Variants in MCPH1 observed in about 807,000 individuals in gnomAD.
MCPH1 encodes the protein microcephalin 1, also known as microcephalin.
MCPH1 carries 104 observed loss-of-function variants against 84.5 expected under a neutral mutation model. The observed-to-expected ratio is 1.23, with a 90% CI of 1.05 to 1.45. The LOEUF (loss-of-function observed/expected upper bound fraction) is 1.45, where lower values mean the gene tolerates loss of function less well. MCPH1 is among the 40% of genes most tolerant of loss of function. MCPH1 has a pLI of 0.00. For missense variants in MCPH1, 1,498 were observed against 1,005.7 expected, an observed-to-expected ratio of 1.49 and a Z score of -6.62; for synonymous variants, 514 against 366.8, an observed-to-expected ratio of 1.40 and a Z score of -4.58.
chr8:6,419,138 C>CACACACACACAG (rs1563179100), intron 3 of MCPH1, among the ~76,000 whole-genome samples: 15 of 118,718 alleles, frequency 1.3e-4, no homozygotes, highest in African/African-American at 4.1e-4. Context: ...TACACACACA[C>CACACACACACAG]ACACACACAC....
rs181939196 is a variant in MCPH1 at position 6,432,568 on chromosome 8, T to A, written c.321+982T>A. 1.5e-3 allele frequency among the ~76,000 whole-genome samples: 226 copies of A among 152,370 alleles called. 1 individual carries two copies. The highest frequency in any genetic ancestry group is 1.2e-3 in the Non-Finnish European group (81 of 68,040). On this transcript the variant is annotated intron_variant, in intron 4 of 13. Coordinates refer to ENST00000344683, the MANE Select transcript of MCPH1 (RefSeq NM_024596.5). Reference sequence around the variant, plus strand: ...ATTTCTTTATCTGAGGGTACTTTACTCTGAAACATCACAGCCAGCTTGTTT... The same window carrying A: ...ATTTCTTTATCTGAGGGTACTTTACACTGAAACATCACAGCCAGCTTGTTT...
chr8:6,470,046 C>T (rs58961878), intron 9 of MCPH1, among the ~76,000 whole-genome samples: 5,241 of 152,096 alleles, frequency 0.034, 281 homozygotes, highest in African/African-American at 0.12. Context: ...TTTTTCTCAT[C>T]GAATAACAAT....
Position 6,480,786 on chromosome 8 carries a change from C to T in MCPH1, c.2046C>T (p.Thr682=), listed in dbSNP as rs764974933. 1.2e-6 allele frequency: 2 copies of T among 1,614,022 alleles called. No homozygotes were observed. The highest frequency in any genetic ancestry group is 2.7e-5 in the African/African-American group (2 of 74,910). ...GFSIAPDVCE[T]TTHVLSGKPL... is the part of the protein sequence containing the mutation. ...CAATTGCACCAGACGTCTGTGAGAC[C>T]ACGACTCACGTGCTTTCCGGGAAGC... is the stretch of plus-strand genomic sequence containing the variant. The change falls in exon 11 of 14, where the codon ACC becomes ACT. Residue 682 remains threonine, a synonymous_variant. Transcript: ENST00000344683.
intron 12 of MCPH1, among the ~76,000 whole-genome samples, chr8:6,516,462 A>T (rs1309455767): frequency 2.0e-5 from 3 of 152,180 alleles, no homozygotes; most frequent in Non-Finnish European, 4.4e-5. Flanking sequence ...CACTGACATC[A>T]TGCTGCCAAA....
Position 6,499,905 on chromosome 8 carries a change from G to C in MCPH1, c.2190G>C (p.Leu730=), listed in dbSNP as rs773212360. ...GGATTTCTGAGGAGCCGTTCGAACT[G>C]TCTCACCACTTCCCTGCAGCTCCCG... ...GHWISEEPFE[L]SHHFPAAPLC... The change falls in exon 12 of 14, where the codon CTG becomes CTC. Residue 730 remains leucine, a synonymous_variant. Transcript: ENST00000344683. 1.2e-6 allele frequency: 2 copies of C among 1,613,734 alleles called. No individual in the cohort carries two copies. The highest frequency in any genetic ancestry group is 2.2e-5 in the South Asian group (2 of 91,070).
At chr8:6,541,246 C>A (rs1232623524) in intron 12 of MCPH1, among the ~76,000 whole-genome samples, 1 of 152,134 alleles carries the variant, frequency 6.6e-6, no homozygotes, top group African/African-American at 2.4e-5. Context: ...CTTTGAGGCC[C>A]CTTTAATGAA....
chr8:6,413,470 T>C (rs757524481), intron 2 of MCPH1, among the ~76,000 whole-genome samples: 1 of 151,644 alleles, frequency 6.6e-6, no homozygotes, highest in Non-Finnish European at 1.5e-5. Context: ...CTTTGATTAT[T>C]TCTTTAATAA....
chr8:6,411,684 A>G (rs979595341), intron 2 of MCPH1, among the ~76,000 whole-genome samples: 5 of 152,312 alleles, frequency 3.3e-5, no homozygotes, highest in South Asian at 2.1e-4. Flanking sequence ...CATTGCTACA[A>G]TTACCCTATT....
intron 12 of MCPH1, among the ~76,000 whole-genome samples, chr8:6,551,928 A>G (rs1354983186): frequency 6.6e-6 from 1 of 152,176 alleles, no homozygotes; most frequent in Non-Finnish European, 1.5e-5. Context: ...ATTTTTTGAG[A>G]TTCCAAAGAC....
intron 12 of MCPH1, among the ~76,000 whole-genome samples, chr8:6,522,310 A>G (rs765116677): frequency 6.6e-6 from 1 of 152,002 alleles, no homozygotes; most frequent in Non-Finnish European, 1.5e-5. Context: ...AGCTGAGATC[A>G]TGCCACTGCA....
chr8:6,477,320 A>C, intron 9 of MCPH1: 1 of 424,236 alleles, frequency 2.4e-6, no homozygotes, highest in Non-Finnish European at 4.2e-6. Context: ...CTGCTGGCTA[A>C]CTGGTGGAAC....
At chr8:6,516,905 C>T (rs1434864749) in intron 12 of MCPH1, among the ~76,000 whole-genome samples, 2 of 152,168 alleles carry the variant, frequency 1.3e-5, no homozygotes, top group African/African-American at 2.4e-5. Context: ...AGAGTCACTG[C>T]CAGCACATAA....
At chr8:6,529,484 C>G (rs981815802) in intron 12 of MCPH1, among the ~76,000 whole-genome samples, 1 of 149,038 alleles carries the variant, frequency 6.7e-6, no homozygotes, top group African/African-American at 2.5e-5. Context: ...CAGAGTCTCA[C>G]TCTGTTGCCC....
chr8:6,464,199 G>C (rs1806591239), intron 9 of MCPH1, among the ~76,000 whole-genome samples: 1 of 152,208 alleles, frequency 6.6e-6, no homozygotes, highest in African/African-American at 2.4e-5. Context: ...CAACACAGCT[G>C]TTTCAGTGAT....
chr8:6,513,678 C>G, intron 12 of MCPH1: 1 of 1,606,664 alleles, frequency 6.2e-7, no homozygotes, highest in Non-Finnish European at 8.5e-7. Flanking sequence ...ACTCACTTAC[C>G]TATAATTGAG....
At chr8:6,589,430 C>A (rs1586727086) in intron 12 of MCPH1, among the ~76,000 whole-genome samples, 1 of 152,134 alleles carries the variant, frequency 6.6e-6, no homozygotes, top group Admixed American at 6.5e-5. Context: ...ATGAGTTCAT[C>A]GACGGCCGAT....
At chr8:6,584,187 A>G (rs942105004) in intron 12 of MCPH1, among the ~76,000 whole-genome samples, 1 of 152,192 alleles carries the variant, frequency 6.6e-6, no homozygotes, top group Admixed American at 6.5e-5. Flanking sequence ...TGATTTCAAA[A>G]TCAATACACA....
intron 12 of MCPH1, among the ~76,000 whole-genome samples, chr8:6,580,497 A>G (rs1827478082): frequency 6.6e-6 from 1 of 152,180 alleles, no homozygotes; most frequent in South Asian, 2.1e-4. Flanking sequence ...TCTACTAAAA[A>G]TACAAAAATT....
rs141761910 is a variant in MCPH1 at position 6,585,386 on chromosome 8, A to G, written c.2215-36068A>G. 1.5e-3 allele frequency among the ~76,000 whole-genome samples: 227 copies of G among 152,318 alleles called. 2 individuals are homozygous for G. Among genetic ancestry groups the G allele is most frequent in the African/African-American group, 5.3e-3 (222 of 41,576 alleles). ...GAGGGAGAAGCTGTGTGTGGCCACC[A>G]CAGCTGGAAGCGTGGCCTGGTGCCC... On this transcript the variant is annotated intron_variant, in intron 12 of 13. Coordinates refer to ENST00000344683, the MANE Select transcript of MCPH1 (RefSeq NM_024596.5).
Sources: allele counts gnomAD v4.1 joint callset (sites outside exome capture counted in the v4.1 genomes callset), GRCh38; gene constraint gnomAD v4.1.1; transcripts MANE v1.5; gene names NCBI Gene and HGNC (gene_info 2026-07-23, HGNC 2026-07-21).